The following TPO variants were observed in gnomAD, a reference collection of about 807,000 sequenced individuals.
TPO encodes the protein thyroid microsomal antigen.
TPO carries 78 observed loss-of-function variants against 96.9 expected under a neutral mutation model. The ratio of observed to expected loss-of-function variants is 0.81; its 90% CI spans 0.67 to 0.97. The LOEUF (loss-of-function observed/expected upper bound fraction) is 0.97. TPO is among the 50% of genes least tolerant of loss of function. The pLI is 0.00. For synonymous variants in TPO, 547 were observed against 538.0 expected (o/e 1.02, Z -0.23); for missense variants, 1,252 against 1,274.8 (o/e 0.98, Z 0.27).
At chr2:1,540,557 G>C in intron 15 of TPO, 37 bp from the exon 16 acceptor site, 1 of 1,610,334 alleles carries the variant, frequency 6.2e-7, no homozygotes, top group Non-Finnish European at 8.5e-7. Flanking sequence ...CACGGTGCCG[G>C]ACCCTCTCCC....
chr2:1,496,835 C>T (rs1672404843), intron 13 of TPO, 70 bp downstream of exon 13: 10 of 1,608,720 alleles, frequency 6.2e-6, no homozygotes, highest in South Asian at 4.4e-5. Context: ...AATGCAATGT[C>T]ATTGAAAATT....
intron 2 of TPO, among the ~76,000 whole-genome samples, chr2:1,420,066 GT>G: frequency 6.6e-6 from 1 of 152,278 alleles, no homozygotes; most frequent in East Asian, 1.9e-4. Context: ...CTGGGAGGAA[GT>G]TTTCAATACA....
At chr2:1,446,061 G>A (rs917482564) in intron 5 of TPO, among the ~76,000 whole-genome samples, 1 of 152,136 alleles carries the variant, frequency 6.6e-6, no homozygotes, top group African/African-American at 2.4e-5. Flanking sequence ...GCAGGGCTTG[G>A]GGGTGAATCT....
intron 3 of TPO, among the ~76,000 whole-genome samples, chr2:1,432,433 C>G (rs1029551098): frequency 1.3e-5 from 2 of 152,268 alleles, no homozygotes; most frequent in East Asian, 3.9e-4. Flanking sequence ...TGCTGAGAAT[C>G]TAAAAAGGCC....
chr2:1,487,685 T>C (rs1054464170), intron 9 of TPO, 136 bp from the exon 10 acceptor site: 1 of 1,128,404 alleles, frequency 8.9e-7, no homozygotes, highest in Non-Finnish European at 1.3e-6. Flanking sequence ...TGCAGTGAGC[T>C]GAGATCGCCA....
chr2:1,496,411 C>T (rs1399063481), intron 12 of TPO, among the ~76,000 whole-genome samples, 184 bp from the exon 13 acceptor site: 3 of 152,100 alleles, frequency 2.0e-5, no homozygotes, highest in Non-Finnish European at 2.9e-5. Context: ...AAAGGGAGCC[C>T]GCGGGGCCCG....
chr2:1,463,779 T>C (rs1353085018), intron 7 of TPO, among the ~76,000 whole-genome samples: 1 of 152,208 alleles, frequency 6.6e-6, no homozygotes, highest in Non-Finnish European at 1.5e-5. Context: ...GCAGAAAATA[T>C]GTAGCTATGA....
intron 14 of TPO, among the ~76,000 whole-genome samples, chr2:1,511,044 T>G (rs976179050): frequency 4.0e-4 from 61 of 152,254 alleles, no homozygotes; most frequent in African/African-American, 1.4e-3. Context: ...TACATAAGTT[T>G]AGATGTAGAT....
At chr2:1,383,470 T>C (rs1237267113) in intron 1 of TPO, among the ~76,000 whole-genome samples, 2 of 152,254 alleles carry the variant, frequency 1.3e-5, no homozygotes, top group East Asian at 3.8e-4. Flanking sequence ...ATTTCTCTGA[T>C]GGCCAGTGAT....
intron 5 of TPO, among the ~76,000 whole-genome samples, chr2:1,437,453 C>G (rs558464184): frequency 5.9e-5 from 9 of 152,200 alleles, no homozygotes; most frequent in East Asian, 1.9e-4. Context: ...AGATGCCCCC[C>G]CCGAGAGAGG....
At chr2:1,377,465 A>G (rs1182517294) in intron 1 of TPO, among the ~76,000 whole-genome samples, 1 of 152,220 alleles carries the variant, frequency 6.6e-6, no homozygotes, top group Non-Finnish European at 1.5e-5. Context: ...GCCGTGGCTC[A>G]GAAGCAGAAG....
In TPO at chr2:1,389,156, C is replaced by T. The variant is rs568097177; in HGVS notation, n.180+14754C>T. Among the ~76,000 whole-genome samples the T allele has an allele frequency of 7.9e-5, 12 of 152,144 alleles. No homozygotes were observed. The East Asian group carries it at 9.7e-4, about 12-fold the overall frequency. Reference sequence around the variant, plus strand: ...AGGAGGGGCAGGGCCTGGCTCAGGTCGGGTCTTCCTAGGGGAGACTGTGCT... The same window carrying T: ...AGGAGGGGCAGGGCCTGGCTCAGGTTGGGTCTTCCTAGGGGAGACTGTGCT... On this transcript the variant is annotated intron_variant and non_coding_transcript_variant, in intron 1 of 5. Transcript: ENST00000497517.
intron 1 of TPO, among the ~76,000 whole-genome samples, chr2:1,407,983 G>C (rs769522700): frequency 3.9e-5 from 6 of 152,160 alleles, no homozygotes; most frequent in Non-Finnish European, 5.9e-5. Flanking sequence ...AATGTGATGT[G>C]GACTGACACG....
intron 14 of TPO, among the ~76,000 whole-genome samples, chr2:1,508,889 G>A (rs1476692262): frequency 6.6e-6 from 1 of 152,080 alleles, no homozygotes; most frequent in Non-Finnish European, 1.5e-5. Flanking sequence ...ATTTCCTTCA[G>A]TTCTGCTCTG....
Position 1,493,998 on chromosome 2 carries a change from T to C in TPO, c.1965T>C (p.Cys655=). Residue 655 remains cysteine (C), a synonymous_variant, in exon 11 of 17, where the codon TGT becomes TGC. Coordinates refer to ENST00000329066, the MANE Select transcript of TPO (RefSeq NM_001206744.2). ...PRARTGPLFA[C]LIGKQMKALR... is the part of the protein sequence containing the mutation. The stretch of plus-strand genomic sequence containing the variant: ...CTCGGACAGGGCCCCTGTTTGCCTG[T>C]CTCATTGGGAAGCAGATGAAGGCTC... The C allele has an allele frequency of 6.2e-7, 1 of 1,614,074 alleles. No homozygotes were observed. Among genetic ancestry groups the C allele is most frequent in the African/African-American group, 1.3e-5 (1 of 75,024 alleles).
intron 1 of TPO, among the ~76,000 whole-genome samples, chr2:1,382,852 A>G (rs1372766592): frequency 6.7e-6 from 1 of 148,606 alleles, no homozygotes; most frequent in Admixed American, 6.7e-5. Flanking sequence ...CATTAGGTAT[A>G]TCTCCTAATG....
In TPO at chr2:1,534,578, C is replaced by G. The variant is rs964951736; in HGVS notation, c.2619-6016C>G. 3.2e-5 allele frequency among the ~76,000 whole-genome samples: 3 copies of G among 93,154 alleles called. 1 individual carries two copies. Among genetic ancestry groups the G allele is most frequent in the African/African-American group, 1.2e-4 (3 of 25,136 alleles). 61.1% of individuals were successfully genotyped at this position (93,154 alleles called of 152,430 possible). A position where few individuals can be genotyped will look rare whatever the true frequency, so the allele number is the denominator to read the frequency against. On this transcript the variant is annotated intron_variant, in intron 15 of 16. Coordinates refer to ENST00000329066, the MANE Select transcript of TPO (RefSeq NM_001206744.2). ...ACCACTCTGTGCAACTTCCCCAAATCCGCCCACACTGTGCAACCGCACCAA... is the reference window on the plus strand; with the variant it reads ...ACCACTCTGTGCAACTTCCCCAAATGCGCCCACACTGTGCAACCGCACCAA...
At chr2:1,526,281 C>T (rs1033072872) in intron 15 of TPO, among the ~76,000 whole-genome samples, 1 of 107,252 alleles carries the variant, frequency 9.3e-6, no homozygotes, top group African/African-American at 3.7e-5. Flanking sequence ...AGTCCCCCCA[C>T]AGTGTGCAAA....
intron 1 of TPO, among the ~76,000 whole-genome samples, chr2:1,402,481 A>C (rs1308609685): frequency 2.6e-5 from 4 of 152,148 alleles, no homozygotes; most frequent in Non-Finnish European, 4.4e-5. Context: ...CTGTTTCCTC[A>C]GTGAATTAGT....
Sources: gnomAD v4.1 joint callset for allele counts (sites outside exome capture counted in the v4.1 genomes callset) on GRCh38, gnomAD v4.1.1 for gene constraint, MANE v1.5 for transcripts, NCBI Gene and HGNC (gene_info 2026-07-23, HGNC 2026-07-21) for gene names.